Variants in SEMA6D observed in about 807,000 individuals in gnomAD.
The protein encoded by SEMA6D is semaphorin-6D.
In SEMA6D, 35 loss-of-function variants were observed where a neutral mutation model predicts 106.6. That is an observed-to-expected ratio of 0.33 (90% CI 0.25 to 0.44). SEMA6D has a LOEUF of 0.44. Among genes scored for constraint, SEMA6D ranks in the 20% least tolerant of loss-of-function variants. The pLI is 1.00. For missense variants in SEMA6D, 1,185 were observed against 1,345.9 expected (o/e 0.88, Z 1.87); for synonymous variants, 499 against 487.7 (o/e 1.02, Z -0.31).
rs148605019 is a variant in SEMA6D, at chr15:47,740,841, C to T, written c.-54-18904C>T. Among the ~76,000 whole-genome samples the T allele has an allele frequency of 5.9e-5, 9 of 152,260 alleles. No homozygotes were observed. The East Asian group carries it at 1.7e-3, about 30-fold the overall frequency. On this transcript the variant is annotated intron_variant, in intron 1 of 18. Coordinates refer to ENST00000536845, the MANE Select transcript of SEMA6D (RefSeq NM_001358351.3). ...AGGTCTAGGGTGACAGGGAAGAGGC[C>T]TCTGACCACTGGTGACCCTTAACGT...
chr15:47,259,995 A>AT (rs1481840838), intron 1 of SEMA6D, among the ~76,000 whole-genome samples: 1 of 143,620 alleles, frequency 7.0e-6, no homozygotes, highest in Non-Finnish European at 1.5e-5. Flanking sequence ...CCCATTTAGC[A>AT]TGTTTTTTTT....
At chr15:47,581,733 G>A (rs1300487987) in intron 3 of SEMA6D, among the ~76,000 whole-genome samples, 1 of 152,176 alleles carries the variant, frequency 6.6e-6, no homozygotes, top group Non-Finnish European at 1.5e-5. Flanking sequence ...AACATTGTAG[G>A]TCATAGGAAT....
intron 1 of SEMA6D, chr15:47,185,815 A>G (rs1001893875): frequency 1.3e-5 from 2 of 152,052 alleles, no homozygotes; most frequent in Admixed American, 1.3e-4. Flanking sequence ...TTAAATTACA[A>G]TGGTATCACC....
intron 2 of SEMA6D, among the ~76,000 whole-genome samples, chr15:47,468,628 C>T (rs925518616): frequency 1.8e-4 from 27 of 152,174 alleles, no homozygotes; most frequent in African/African-American, 6.0e-4. Context: ...AGATCACCTG[C>T]TTATCAAAAC....
intron 1 of SEMA6D, among the ~76,000 whole-genome samples, chr15:47,753,677 G>A (rs1052446352): frequency 6.6e-6 from 1 of 152,182 alleles, no homozygotes. Flanking sequence ...ATGGGCTGAG[G>A]CTAGTAAAGT....
chr15:47,745,206 C>T (rs1472318270), intron 1 of SEMA6D, among the ~76,000 whole-genome samples: 1 of 152,238 alleles, frequency 6.6e-6, no homozygotes, highest in South Asian at 2.1e-4. Flanking sequence ...AACAGGCTTC[C>T]TGGTACTCAC....
chr15:47,418,650 G>A (rs1386836048), intron 2 of SEMA6D, among the ~76,000 whole-genome samples: 1 of 152,058 alleles, frequency 6.6e-6, no homozygotes, highest in Non-Finnish European at 1.5e-5. Context: ...TAAGGATTTT[G>A]GCGGAACATG....
At chr15:47,329,410 A>G (rs531864860) in intron 1 of SEMA6D, among the ~76,000 whole-genome samples, 141 of 152,368 alleles carry the variant, frequency 9.3e-4, no homozygotes, top group Non-Finnish European at 7.9e-4. Flanking sequence ...TGTACTGACT[A>G]TAATAGACAG....
intron 4 of SEMA6D, among the ~76,000 whole-genome samples, chr15:47,697,387 C>A (rs956258645): frequency 6.6e-6 from 1 of 152,140 alleles, no homozygotes; most frequent in African/African-American, 2.4e-5. Flanking sequence ...TGAACTCCCA[C>A]AAGAACTTCT....
chr15:47,626,480 G>C (rs776216952), intron 4 of SEMA6D, among the ~76,000 whole-genome samples: 2 of 152,080 alleles, frequency 1.3e-5, no homozygotes, highest in Non-Finnish European at 2.9e-5. Context: ...GTTGTCATTG[G>C]CTTCCCAAAG....
intron 3 of SEMA6D, among the ~76,000 whole-genome samples, chr15:47,568,744 A>G (rs1164236170): frequency 6.6e-6 from 1 of 152,174 alleles, no homozygotes; most frequent in Non-Finnish European, 1.5e-5. Context: ...ACTTACTCGT[A>G]CTGTGCCTAG....
At chr15:47,570,387 C>CAATT (rs1352640749) in intron 3 of SEMA6D, among the ~76,000 whole-genome samples, 1 of 152,070 alleles carries the variant, frequency 6.6e-6, no homozygotes, top group Non-Finnish European at 1.5e-5. Context: ...TGTGAGGGTA[C>CAATT]AATTATATGG....
At chr15:47,559,606 G>A (rs911064210) in intron 3 of SEMA6D, among the ~76,000 whole-genome samples, 1 of 152,104 alleles carries the variant, frequency 6.6e-6, no homozygotes, top group Non-Finnish European at 1.5e-5. Flanking sequence ...ATGGAGTGGA[G>A]CCAGAGATTT....
chr15:47,624,249 C>G (rs1235159657), intron 4 of SEMA6D, among the ~76,000 whole-genome samples: 2 of 152,184 alleles, frequency 1.3e-5, no homozygotes, highest in Non-Finnish European at 2.9e-5. Flanking sequence ...TCCCCCAAGG[C>G]TGTGTTAGGA....
intron 2 of SEMA6D, among the ~76,000 whole-genome samples, chr15:47,437,379 T>C (rs1439340778): frequency 6.6e-6 from 1 of 152,134 alleles, no homozygotes; most frequent in Non-Finnish European, 1.5e-5. Flanking sequence ...TAAAGTTTAC[T>C]GTTAAATGAA....
At chr15:47,685,870 C>A (rs1207838098) in intron 4 of SEMA6D, among the ~76,000 whole-genome samples, 5 of 152,092 alleles carry the variant, frequency 3.3e-5, no homozygotes, top group Admixed American at 6.5e-5. Flanking sequence ...AGACTCAATA[C>A]CCCTGGGAGA....
chr15:47,750,466 C>G (rs1490624178), intron 1 of SEMA6D, among the ~76,000 whole-genome samples: 1 of 152,164 alleles, frequency 6.6e-6, no homozygotes, highest in African/African-American at 2.4e-5. Context: ...CTCCTGGTTC[C>G]TGGCCTCTTT....
intron 1 of SEMA6D, among the ~76,000 whole-genome samples, chr15:47,404,281 A>G (rs1463245259): frequency 1.3e-5 from 2 of 152,190 alleles, no homozygotes; most frequent in African/African-American, 4.8e-5. Context: ...TGAAGATATA[A>G]AAAATAAATG....
At position 47,497,884 on chromosome 15, in the gene SEMA6D, G is replaced by C. The variant is rs146086125; in HGVS notation, c.-87+27339G>C. The stretch of plus-strand genomic sequence containing the variant: ...TTCTTTGGCTTCTAGTCAGTTTCCA[G>C]TAGGTTCTACTTCTGCAGAGTTACC... On this transcript the variant is annotated intron_variant, in intron 3 of 19. Coordinates refer to the SEMA6D transcript ENST00000558014. Among the ~76,000 whole-genome samples the C allele has an allele frequency of 5.5e-3, 843 of 152,128 alleles. 5 individuals carry two copies. The highest frequency in any genetic ancestry group is 0.015 in the Admixed American group (222 of 15,244).
Sources: allele counts gnomAD v4.1 joint callset (sites outside exome capture counted in the v4.1 genomes callset), GRCh38; gene constraint gnomAD v4.1.1; transcripts MANE v1.5; gene names NCBI Gene and HGNC (gene_info 2026-07-23, HGNC 2026-07-21).